NEGR1: variants seen among roughly 807,000 people sequenced by gnomAD.
The protein encoded by NEGR1 is IgLON family member 4.
Under a neutral mutation model 40.9 loss-of-function variants are expected in NEGR1, and 10 were observed. That is an observed-to-expected ratio of 0.24 (90% confidence interval 0.15 to 0.42). NEGR1 has a LOEUF of 0.42. NEGR1 is among the 10% of genes least tolerant of loss of function. The probability of loss-of-function intolerance (pLI) is 1.00; values close to 1 mark genes in which losing one functional copy is unlikely to be tolerated. For synonymous variants in NEGR1, 185 were observed against 166.8 expected (o/e 1.11, Z -0.84); for missense variants, 352 against 438.9 (o/e 0.80, Z 1.77).
At chr1:71,665,490 G>C (rs907109050) in intron 4 of NEGR1, among the ~76,000 whole-genome samples, 2 of 152,152 alleles carry the variant, frequency 1.3e-5, no homozygotes, top group African/African-American at 4.8e-5. Context: ...ATAGATGCAA[G>C]GACTACAACA....
intron 1 of NEGR1, among the ~76,000 whole-genome samples, chr1:72,222,324 G>A (rs565461513): frequency 7.2e-5 from 11 of 152,274 alleles, no homozygotes; most frequent in South Asian, 2.1e-4. Flanking sequence ...CTGCAAGCAC[G>A]CTCATGGACC....
chr1:72,024,951 T>C (rs1646793882), intron 1 of NEGR1, among the ~76,000 whole-genome samples: 1 of 152,192 alleles, frequency 6.6e-6, no homozygotes, highest in African/African-American at 2.4e-5. Context: ...ATAATATAAT[T>C]GGTTCTGCCT....
At chr1:71,510,625 G>T (rs1157350184) in intron 6 of NEGR1, among the ~76,000 whole-genome samples, 2 of 152,094 alleles carry the variant, frequency 1.3e-5, no homozygotes, top group African/African-American at 4.8e-5. Context: ...ATAACCTTAT[G>T]GGGGGATAAT....
intron 3 of NEGR1, among the ~76,000 whole-genome samples, chr1:71,757,266 G>T (rs985281477): frequency 1.3e-5 from 2 of 152,076 alleles, no homozygotes; most frequent in Non-Finnish European, 2.9e-5. Flanking sequence ...GAGTCAAAGT[G>T]CTGTCTTCTG....
chr1:71,806,751 G>C (rs1657784863), intron 2 of NEGR1, among the ~76,000 whole-genome samples: 1 of 152,086 alleles, frequency 6.6e-6, no homozygotes, highest in South Asian at 2.1e-4. Context: ...CTCCCCAAGT[G>C]TTGAAACCAG....
intron 2 of NEGR1, among the ~76,000 whole-genome samples, chr1:71,778,091 T>C (rs1308110819): frequency 6.6e-6 from 1 of 151,998 alleles, no homozygotes; most frequent in African/African-American, 2.4e-5. Flanking sequence ...ATTTACAACA[T>C]TAAACTAAAA....
rs67575298 is a variant in NEGR1 at position 72,079,086 on chromosome 1, A to AATATAT, written c.177-143781_177-143776dup. ...ATATGTCAATGGTTACATTTAACAGAATATATATATATATATATATATATA... is the reference window on the plus strand; with the variant it reads ...ATATGTCAATGGTTACATTTAACAGAATATATATATATATATATATATATATATATA... On this transcript the variant is annotated intron_variant, in intron 1 of 6. Coordinates refer to ENST00000357731, the MANE Select transcript of NEGR1 (RefSeq NM_173808.3). 5.2e-3 allele frequency among the ~76,000 whole-genome samples: 737 copies of AATATAT among 142,376 alleles called. 7 individuals are homozygous for AATATAT. The highest frequency in any genetic ancestry group is 0.016 in the African/African-American group (647 of 39,412). 93.4% of individuals were successfully genotyped at this position (142,376 alleles called of 152,430 possible). A position where few individuals can be genotyped will look rare whatever the true frequency, so the allele number is the denominator to read the frequency against.
intron 1 of NEGR1, among the ~76,000 whole-genome samples, chr1:71,950,294 A>G (rs1355180078): frequency 1.3e-5 from 2 of 151,954 alleles, no homozygotes; most frequent in African/African-American, 4.8e-5. Context: ...ACTGGTAATC[A>G]CTTTTAGTAT....
chr1:71,717,983 C>T (rs1654334466), intron 3 of NEGR1, among the ~76,000 whole-genome samples: 1 of 152,152 alleles, frequency 6.6e-6, no homozygotes, highest in Admixed American at 6.5e-5. Flanking sequence ...TGATCTCAGA[C>T]TTATAGCCTC....
intron 6 of NEGR1, among the ~76,000 whole-genome samples, chr1:71,507,369 C>A (rs953669278): frequency 1.3e-5 from 2 of 152,108 alleles, no homozygotes; most frequent in African/African-American, 4.8e-5. Context: ...AATAAATAAA[C>A]CTCTAATTAA....
intron 3 of NEGR1, among the ~76,000 whole-genome samples, chr1:71,711,173 T>TAA (rs1164716054): frequency 2.9e-5 from 4 of 140,016 alleles, no homozygotes; most frequent in African/African-American, 7.8e-5. Context: ...CTGTCTCTAC[T>TAA]AAAAAAAAAA....
In NEGR1 at chr1:72,051,243, G is replaced by A. The variant is rs115866648; in HGVS notation, c.177-115932C>T. 5.4e-3 allele frequency among the ~76,000 whole-genome samples: 814 copies of A among 151,464 alleles called. 8 individuals carry two copies. Among genetic ancestry groups the A allele is most frequent in the Non-Finnish European group, 8.4e-3 (567 of 67,608 alleles). ...ATTTTTGATAAGGTACCTTACATTT[G>A]TTCATTACTAAAATACATATTACAA... On this transcript the variant is annotated intron_variant, in intron 1 of 6. Transcript: ENST00000357731.
intron 6 of NEGR1, among the ~76,000 whole-genome samples, chr1:71,568,946 C>T (rs1190021833): frequency 4.8e-5 from 7 of 147,266 alleles, no homozygotes; most frequent in African/African-American, 1.8e-4. Context: ...GAGACGGAGT[C>T]TCGCTTCATC....
chr1:72,264,823 G>A (rs980619741), intron 1 of NEGR1, among the ~76,000 whole-genome samples: 18 of 150,214 alleles, frequency 1.2e-4, no homozygotes, highest in Non-Finnish European at 1.8e-4. Context: ...TTATTTCTTC[G>A]TAGAAAACTA....
At chr1:72,228,703 A>G (rs554167291) in intron 1 of NEGR1, among the ~76,000 whole-genome samples, 1 of 152,236 alleles carries the variant, frequency 6.6e-6, no homozygotes, top group Admixed American at 6.6e-5. Context: ...TCTATAGACC[A>G]AAAGATGACC....
intron 1 of NEGR1, among the ~76,000 whole-genome samples, chr1:72,162,074 G>A (rs888755552): frequency 6.6e-5 from 10 of 151,794 alleles, no homozygotes; most frequent in African/African-American, 2.4e-4. Context: ...TTATGGAAAA[G>A]GTAATTACCT....
At chr1:72,105,193 A>T (rs980576171) in intron 1 of NEGR1, among the ~76,000 whole-genome samples, 8 of 152,122 alleles carry the variant, frequency 5.3e-5, no homozygotes, top group Admixed American at 5.2e-4. Context: ...TTTCTAAAAC[A>T]TGTATCTGAT....
At chr1:72,268,124 C>A (rs1570201928) in intron 1 of NEGR1, among the ~76,000 whole-genome samples, 1 of 151,232 alleles carries the variant, frequency 6.6e-6, no homozygotes, top group East Asian at 1.9e-4. Context: ...AGGGAGCAAA[C>A]AGAATACACC....
chr1:71,854,259 C>T (rs1570434217), intron 2 of NEGR1, among the ~76,000 whole-genome samples: 1 of 152,134 alleles, frequency 6.6e-6, no homozygotes, highest in South Asian at 2.1e-4. Flanking sequence ...ATTGCTCCCC[C>T]TGTGAGCTCT....
Sources: allele counts gnomAD v4.1 joint callset (sites outside exome capture counted in the v4.1 genomes callset), GRCh38; gene constraint gnomAD v4.1.1; transcripts MANE v1.5; gene names NCBI Gene and HGNC (gene_info 2026-07-23, HGNC 2026-07-21).